Variants in RAD51B observed in about 807,000 individuals in gnomAD.
The protein encoded by RAD51B is RAD51 paralog B, also known as DNA repair protein RAD51 homolog 2.
In RAD51B, 38 loss-of-function variants were observed where a neutral mutation model predicts 42.2. That is an observed-to-expected ratio of 0.90 (90% CI 0.70 to 1.18). The LOEUF (loss-of-function observed/expected upper bound fraction) is 1.18, where lower values mean the gene tolerates loss of function less well. Among genes scored for constraint, RAD51B ranks in the 50% most tolerant of loss-of-function variants. The probability of loss-of-function intolerance (pLI) is 0.00; values close to 1 mark genes in which losing one functional copy is unlikely to be tolerated. For missense variants in RAD51B, 373 were observed against 400.7 expected (o/e 0.93, Z 0.59); for synonymous variants, 154 against 145.2 (o/e 1.06, Z -0.43).
intron 10 of RAD51B, among the ~76,000 whole-genome samples, chr14:68,518,601 C>T (rs1021424553): frequency 2.0e-5 from 3 of 151,274 alleles, no homozygotes; most frequent in African/African-American, 4.8e-5. Context: ...CTCAGGTCCC[C>T]GACACTCAGC....
At chr14:68,346,142 C>T (rs2082672889) in intron 8 of RAD51B, among the ~76,000 whole-genome samples, 1 of 152,174 alleles carries the variant, frequency 6.6e-6, no homozygotes, top group Admixed American at 6.5e-5. Context: ...TTTTATATTA[C>T]ATATTTATAT....
intron 8 of RAD51B, among the ~76,000 whole-genome samples, chr14:68,376,684 C>A (rs1424050561): frequency 2.0e-5 from 3 of 152,202 alleles, no homozygotes; most frequent in Non-Finnish European, 4.4e-5. Context: ...AGGCCCAGCT[C>A]CTGGGGACTG....
intron 4 of RAD51B, among the ~76,000 whole-genome samples, chr14:67,852,985 C>T (rs892703262): frequency 6.6e-6 from 1 of 152,068 alleles, no homozygotes; most frequent in Non-Finnish European, 1.5e-5. Context: ...ATCATATGAG[C>T]CCTTAGAAGT....
chr14:68,068,345 A>G (rs1393931577), intron 7 of RAD51B, among the ~76,000 whole-genome samples: 1 of 152,136 alleles, frequency 6.6e-6, no homozygotes, highest in Admixed American at 6.6e-5. Flanking sequence ...TATTCTTGAC[A>G]TTTCATAGAA....
intron 8 of RAD51B, among the ~76,000 whole-genome samples, chr14:68,321,528 C>T (rs2082157141): frequency 6.6e-6 from 1 of 152,190 alleles, no homozygotes; most frequent in South Asian, 2.1e-4. Context: ...AGTCTCTGCT[C>T]TTAGCATTTT....
intron 10 of RAD51B, chr14:68,541,281 T>G (rs1303495279): frequency 1.0e-6 from 1 of 985,348 alleles, no homozygotes; most frequent in Non-Finnish European, 1.2e-6. Flanking sequence ...GACAACTGGG[T>G]TCTTTGTGGC....
At chr14:68,349,458 C>A (rs1282667662) in intron 8 of RAD51B, among the ~76,000 whole-genome samples, 1 of 152,148 alleles carries the variant, frequency 6.6e-6, no homozygotes, top group Non-Finnish European at 1.5e-5. Flanking sequence ...CCTCCGCCTC[C>A]CAGGTTCAAG....
intron 8 of RAD51B, among the ~76,000 whole-genome samples, chr14:68,294,837 A>G (rs980722383): frequency 6.6e-6 from 1 of 152,122 alleles, no homozygotes; most frequent in Non-Finnish European, 1.5e-5. Flanking sequence ...TCCTCCCTGT[A>G]TGTTTTCTCT....
intron 5 of RAD51B, among the ~76,000 whole-genome samples, chr14:67,873,719 A>C (rs1595043438): frequency 6.8e-6 from 1 of 146,802 alleles, no homozygotes; most frequent in Admixed American, 6.9e-5. Flanking sequence ...CTGGATTAAG[A>C]AAGCGTGGCA....
intron 10 of RAD51B, among the ~76,000 whole-genome samples, chr14:68,476,694 G>A (rs537497049): frequency 2.2e-4 from 34 of 152,216 alleles, no homozygotes; most frequent in Non-Finnish European, 1.3e-4. Context: ...CATGCTGCTC[G>A]CCAGCCATGC....
chr14:67,880,338 A>T (rs1175984088), intron 5 of RAD51B, among the ~76,000 whole-genome samples: 2 of 152,218 alleles, frequency 1.3e-5, no homozygotes, highest in East Asian at 3.8e-4. Flanking sequence ...ACCATAACTT[A>T]TCTATCAATC....
At chr14:68,270,248 T>C (rs1393213340) in intron 7 of RAD51B, among the ~76,000 whole-genome samples, 5 of 152,214 alleles carry the variant, frequency 3.3e-5, no homozygotes, top group South Asian at 2.1e-4. Context: ...TAAAATTTGT[T>C]TGTGACCTGT....
intron 7 of RAD51B, among the ~76,000 whole-genome samples, chr14:68,020,636 A>C (rs1011578843): frequency 2.6e-5 from 4 of 152,208 alleles, no homozygotes; most frequent in African/African-American, 9.6e-5. Context: ...TTATATATAT[A>C]GAGTTTCAGT....
At chr14:68,378,333 T>G (rs2083412535) in intron 8 of RAD51B, among the ~76,000 whole-genome samples, 2 of 152,226 alleles carry the variant, frequency 1.3e-5, no homozygotes, top group African/African-American at 4.8e-5. Flanking sequence ...CTCTTTCCCT[T>G]TCCCTTTAAG....
chr14:67,947,201 G>A (rs75807333), intron 7 of RAD51B, among the ~76,000 whole-genome samples: 2 of 152,200 alleles, frequency 1.3e-5, no homozygotes, highest in East Asian at 1.9e-4. Context: ...ATGACTTAAT[G>A]TACAGTATAA....
At chr14:68,273,634 A>C (rs913364242) in intron 7 of RAD51B, among the ~76,000 whole-genome samples, 1 of 152,186 alleles carries the variant, frequency 6.6e-6, no homozygotes, top group Non-Finnish European at 1.5e-5. Context: ...TTGAGTGGGC[A>C]CACAGGGCTT....
chr14:68,219,489 A>G (rs1187362840), intron 7 of RAD51B, among the ~76,000 whole-genome samples: 1 of 152,180 alleles, frequency 6.6e-6, no homozygotes, highest in African/African-American at 2.4e-5. Context: ...CCTCGGCTGC[A>G]AGACCTGAAG....
At chr14:68,112,930 T>G (rs923778132) in intron 7 of RAD51B, among the ~76,000 whole-genome samples, 3 of 152,128 alleles carry the variant, frequency 2.0e-5, no homozygotes, top group Admixed American at 2.0e-4. Flanking sequence ...TTAGACAGTG[T>G]TTTCCCTAAA....
intron 7 of RAD51B, among the ~76,000 whole-genome samples, chr14:68,005,911 C>G (rs998898848): frequency 2.0e-5 from 3 of 152,132 alleles, no homozygotes; most frequent in Non-Finnish European, 2.9e-5. Flanking sequence ...GCAGGTGCAT[C>G]TTACATGGCA....
Sources: gnomAD v4.1 joint callset for allele counts (sites outside exome capture counted in the v4.1 genomes callset) on GRCh38, gnomAD v4.1.1 for gene constraint, MANE v1.5 for transcripts, NCBI Gene and HGNC (gene_info 2026-07-23, HGNC 2026-07-21) for gene names.